Variants in MPHOSPH9 observed in about 807,000 individuals in gnomAD.
MPHOSPH9 encodes the protein M-phase phosphoprotein 9.
Under a neutral mutation model 145.5 loss-of-function variants are expected in MPHOSPH9, and 88 were observed. The ratio of observed to expected loss-of-function variants is 0.60; its 90% confidence interval spans 0.51 to 0.72. The LOEUF is 0.72. MPHOSPH9 is among the 30% of genes least tolerant of loss of function. The pLI is 0.00. For missense variants in MPHOSPH9, 1,238 were observed against 1,386.6 expected (o/e 0.89, Z 1.70); for synonymous variants, 435 against 486.2 (o/e 0.89, Z 1.39).
intron 11 of MPHOSPH9, among the ~76,000 whole-genome samples, chr12:123,199,608 T>C (rs1431777668): frequency 1.3e-5 from 2 of 151,710 alleles, no homozygotes; most frequent in African/African-American, 2.4e-5. Flanking sequence ...TCCTGGATAA[T>C]ACGGTGAAAC....
intron 1 of MPHOSPH9, among the ~76,000 whole-genome samples, chr12:123,231,873 A>G (rs1228079317): frequency 1.3e-5 from 2 of 150,394 alleles, no homozygotes; most frequent in Admixed American, 6.7e-5. Flanking sequence ...AGAAAGAAAG[A>G]AAACTTCAGC....
chr12:123,207,177 A>T (rs2046473380), intron 8 of MPHOSPH9, among the ~76,000 whole-genome samples: 1 of 149,192 alleles, frequency 6.7e-6, no homozygotes, highest in Admixed American at 6.7e-5. Context: ...GCATTGTATC[A>T]GTCTAATTTA....
chr12:123,189,799 G>A (rs1208784109), intron 13 of MPHOSPH9, among the ~76,000 whole-genome samples: 1 of 151,954 alleles, frequency 6.6e-6, no homozygotes, highest in African/African-American at 2.4e-5. Context: ...AGCCAGGTGT[G>A]GTGGCGGGCA....
rs1226498307 is a variant in MPHOSPH9 at position 123,156,112 on chromosome 12, G to A, written c.*695C>T. On this transcript the variant is annotated 3_prime_UTR_variant, in exon 24 of 24. Transcript: ENST00000606320. ...AGAACAATGGGCAGAGAGCTACTCT[G>A]AGAGCCCTCCAGAGAGGGCTCTCCA... 1 of 152,190 alleles carries A rather than the reference G, an allele frequency of 6.6e-6. No individual in the cohort carries two copies. The highest frequency in any genetic ancestry group is 1.5e-5 in the Non-Finnish European group (1 of 68,036). 9.4% of individuals were successfully genotyped at this position (152,190 alleles called of 1,614,324 possible). A position where few individuals can be genotyped will look rare whatever the true frequency, so the allele number is the denominator to read the frequency against.
intron 6 of MPHOSPH9, among the ~76,000 whole-genome samples, chr12:123,215,911 A>G (rs1246646537): frequency 6.6e-6 from 1 of 152,208 alleles, no homozygotes; most frequent in Admixed American, 6.6e-5. Flanking sequence ...TCAAGGAAGA[A>G]ATTCCACCTG....
Position 123,179,973 on chromosome 12 carries a change from A to G in MPHOSPH9, c.2307T>C (p.Thr769=), listed in dbSNP as rs763622199. 2 of 1,443,958 alleles carry G rather than the reference A, an allele frequency of 1.4e-6. No individual in the cohort carries two copies. The highest frequency in any genetic ancestry group is 1.9e-6 in the Non-Finnish European group (2 of 1,068,626). The allele number at this position is 1,443,958 out of a possible 1,614,324, so 89.4% of individuals were successfully genotyped here. A position where few individuals can be genotyped will look rare whatever the true frequency, so the allele number is the denominator to read the frequency against. Residue 769 remains threonine (T), a synonymous_variant, in exon 15 of 24, where the codon ACT becomes ACC. Coordinates refer to ENST00000606320, the MANE Select transcript of MPHOSPH9 (RefSeq NM_022782.4). Reference sequence around the variant, plus strand: ...TATATGCATCAAGCAATTTGTTCTCAGTTGTATTTAATGCATCCTATGGAA... The same window carrying G: ...TATATGCATCAAGCAATTTGTTCTCGGTTGTATTTAATGCATCCTATGGAA... ...HRRVKDALNT[T]ENKLLDAYTQ... is the part of the protein sequence containing the mutation.
At chr12:123,190,099 G>A (rs1055029347) in intron 13 of MPHOSPH9, among the ~76,000 whole-genome samples, 30 of 151,746 alleles carry the variant, frequency 2.0e-4, no homozygotes, top group Admixed American at 5.9e-4. Context: ...GAAGACAGAA[G>A]TGATCAGAAA....
At chr12:123,239,410 G>GTTCT (rs2047895838) in intron 1 of MPHOSPH9, among the ~76,000 whole-genome samples, 1 of 145,820 alleles carries the variant, frequency 6.9e-6, no homozygotes, top group South Asian at 2.1e-4. Context: ...TTGTTTTTTT[G>GTTCT]TTTGTTTTTT....
intron 10 of MPHOSPH9, 51 bp from the exon 11 acceptor site, chr12:123,202,370 C>A (rs752254710): frequency 6.6e-7 from 1 of 1,513,942 alleles, no homozygotes; most frequent in East Asian, 2.3e-5. Context: ...TCTTCAGTCT[C>A]CATCCCACAA....
At chr12:123,232,691 C>G (rs1002454987) in intron 1 of MPHOSPH9, among the ~76,000 whole-genome samples, 6 of 152,108 alleles carry the variant, frequency 3.9e-5, no homozygotes, top group Admixed American at 6.6e-5. Flanking sequence ...ATGCAGTCGC[C>G]TAAGCTACGG....
chr12:123,198,117 A>G (rs1593165973), intron 12 of MPHOSPH9, 130 bp downstream of exon 12: 9 of 716,310 alleles, frequency 1.3e-5, no homozygotes, highest in Non-Finnish European at 2.1e-5. Context: ...TTATAGCATT[A>G]TATGAAGCCA....
intron 17 of MPHOSPH9, 35 bp downstream of exon 17, chr12:123,166,620 A>G (rs750796753): frequency 1.3e-6 from 2 of 1,598,062 alleles, no homozygotes; most frequent in Non-Finnish European, 1.7e-6. Context: ...AAAACATAAC[A>G]TCCCTAAATA....
chr12:123,182,266 T>TG, intron 13 of MPHOSPH9, among the ~76,000 whole-genome samples: 2 of 88,838 alleles, frequency 2.3e-5, no homozygotes, highest in Admixed American at 2.7e-4. Context: ...TTTTTGTTTT[T>TG]TTTTTTTGAT....
At chr12:123,200,728 G>A (rs1188681724) in intron 11 of MPHOSPH9, among the ~76,000 whole-genome samples, 1 of 148,426 alleles carries the variant, frequency 6.7e-6, no homozygotes, top group Middle Eastern at 3.3e-3. Flanking sequence ...ACACAATTTC[G>A]GCTCACTGTA....
intron 5 of MPHOSPH9, 25 bp from the exon 6 acceptor site, chr12:123,218,524 T>G (rs367742107): frequency 1.2e-6 from 2 of 1,606,400 alleles, no homozygotes; most frequent in Non-Finnish European, 1.7e-6. Context: ...AAAACCAAAA[T>G]TACTTTTTTT....
At chr12:123,219,552 C>CAAA (rs778997410) in intron 5 of MPHOSPH9, among the ~76,000 whole-genome samples, 3 of 49,928 alleles carry the variant, frequency 6.0e-5, no homozygotes, top group African/African-American at 2.1e-4. Flanking sequence ...GACTCTGTCT[C>CAAA]AAAAAAAAAA....
rs899736391 is a variant in MPHOSPH9, at chr12:123,239,173, G to A, written c.-159+4680C>T. Among the ~76,000 whole-genome samples, 6 of 152,178 alleles carry A rather than the reference G, an allele frequency of 3.9e-5. No homozygotes were observed. In the East Asian group the frequency reaches 7.7e-4, roughly 20 times the overall value. Reference sequence around the variant, plus strand: ...AGTTCCAACTACTCAGGAGGCTGCGGTGAGAGGATGGCTAGAGCCTGGAAG... The same window carrying A: ...AGTTCCAACTACTCAGGAGGCTGCGATGAGAGGATGGCTAGAGCCTGGAAG... On this transcript the variant is annotated intron_variant, in intron 1 of 2. Coordinates refer to the MPHOSPH9 transcript ENST00000545406.
chr12:123,217,770 G>A (rs761377575), intron 6 of MPHOSPH9, among the ~76,000 whole-genome samples: 52 of 152,016 alleles, frequency 3.4e-4, no homozygotes, highest in Non-Finnish European at 1.2e-4. Context: ...TGGGCCGAGC[G>A]TGGTGGCTCA....
chr12:123,212,863 C>CTT (rs1321106569), intron 7 of MPHOSPH9, among the ~76,000 whole-genome samples: 2 of 106,614 alleles, frequency 1.9e-5, no homozygotes, highest in Non-Finnish European at 1.9e-5. Context: ...TTCTGTTATT[C>CTT]TTTTTTTTTT....
Sources: gnomAD v4.1 joint callset for allele counts (sites outside exome capture counted in the v4.1 genomes callset) on GRCh38, gnomAD v4.1.1 for gene constraint, MANE v1.5 for transcripts, NCBI Gene and HGNC (gene_info 2026-07-23, HGNC 2026-07-21) for gene names.